SCN9A: variants seen among roughly 807,000 people sequenced by gnomAD.
SCN9A encodes the protein sodium channel protein type 9 subunit alpha.
In SCN9A, 131 loss-of-function variants were observed where a neutral mutation model predicts 187.0. That is an observed-to-expected ratio of 0.70 (90% CI 0.61 to 0.81). The LOEUF (loss-of-function observed/expected upper bound fraction) is 0.81. Ranked by LOEUF, SCN9A falls within the 30% of genes least tolerant of loss-of-function variation. The pLI is 0.00. For missense variants in SCN9A, 2,252 were observed against 2,396.6 expected, an observed-to-expected ratio of 0.94 and a Z score of 1.26; for synonymous variants, 809 against 808.6, an observed-to-expected ratio of 1.00 and a Z score of -0.01.
chr2:166,346,569 G>GA (rs1371355841), intron 1 of SCN9A, among the ~76,000 whole-genome samples: 3 of 152,080 alleles, frequency 2.0e-5, no homozygotes, highest in African/African-American at 7.2e-5. Context: ...CTCAAGCTGG[G>GA]AAAAAATATG....
At chr2:166,370,115 G>A (rs934896537) in intron 1 of SCN9A, among the ~76,000 whole-genome samples, 1 of 150,416 alleles carries the variant, frequency 6.6e-6, no homozygotes, top group Non-Finnish European at 1.5e-5. Context: ...TAATTACATT[G>A]GATTTAAAAA....
intron 2 of SCN9A, among the ~76,000 whole-genome samples, chr2:166,311,154 C>CA (rs1311233856): frequency 9.3e-6 from 1 of 107,272 alleles, no homozygotes; most frequent in Admixed American, 8.8e-5. Context: ...GCTAGATGAC[C>CA]AGTTAGTGGG....
At chr2:166,296,962 T>C (rs890879569) in intron 7 of SCN9A, among the ~76,000 whole-genome samples, 68 of 145,238 alleles carry the variant, frequency 4.7e-4, no homozygotes, top group African/African-American at 1.7e-3. Flanking sequence ...CTTTGGGAGG[T>C]CGAGGCGGGC....
At chr2:166,261,509 AG>A (rs1696503288) in intron 17 of SCN9A, among the ~76,000 whole-genome samples, 1 of 151,950 alleles carries the variant, frequency 6.6e-6, no homozygotes. Flanking sequence ...GCATTAATAT[AG>A]AAGAAAAAAC....
chr2:166,356,489 A>AT (rs952876390), intron 1 of SCN9A, among the ~76,000 whole-genome samples: 60 of 152,036 alleles, frequency 3.9e-4, no homozygotes, highest in Non-Finnish European at 7.5e-4. Context: ...TATGACTCCC[A>AT]TTTTTTCCCC....
intron 1 of SCN9A, among the ~76,000 whole-genome samples, chr2:166,313,077 A>G (rs1411348555): frequency 1.0e-5 from 1 of 98,454 alleles, no homozygotes; most frequent in Non-Finnish European, 2.9e-5. Flanking sequence ...TTTTCTGAAT[A>G]GTAAATAATA....
intron 22 of SCN9A, among the ~76,000 whole-genome samples, chr2:166,227,971 T>G (rs1003068526): frequency 1.3e-5 from 2 of 152,158 alleles, no homozygotes; most frequent in African/African-American, 4.8e-5. Context: ...GCACATAACC[T>G]TTTATTTTTT....
rs777234975 is a variant in SCN9A, at chr2:166,281,663, G to A, written c.2104+16C>T. The A allele has an allele frequency of 3.1e-6, 5 of 1,608,666 alleles. No individual in the cohort carries two copies. The Admixed American group carries it at 8.4e-5, about 27-fold the overall frequency. ...TTATTTAAGAATCTGTACAGTAAAA[G>A]AAGATTATTACATACCTTCCACAGT... On this transcript the variant is annotated intron_variant, in intron 13 of 26. Transcript: ENST00000642356.
At chr2:166,291,402 C>T (rs1397929711) in intron 9 of SCN9A, among the ~76,000 whole-genome samples, 4 of 152,070 alleles carry the variant, frequency 2.6e-5, no homozygotes, top group African/African-American at 9.7e-5. Flanking sequence ...GAACTACAAG[C>T]CACTACTCAA....
chr2:166,307,223 G>A (rs1302605540), intron 2 of SCN9A, 149 bp from the exon 3 acceptor site: 24 of 553,582 alleles, frequency 4.3e-5, no homozygotes, highest in Admixed American at 6.4e-5. Context: ...TGTCATCAAC[G>A]CATCTATCAA....
intron 20 of SCN9A, among the ~76,000 whole-genome samples, chr2:166,236,360 T>C (rs192237650): frequency 6.6e-6 from 1 of 152,278 alleles, no homozygotes; most frequent in Admixed American, 6.5e-5. Flanking sequence ...TCACATTACA[T>C]ATTATAGAAA....
At chr2:166,226,529 T>C in intron 24 of SCN9A, 38 bp downstream of exon 24, 1 of 1,366,978 alleles carries the variant, frequency 7.3e-7, no homozygotes, top group East Asian at 2.4e-5. Flanking sequence ...TAATTGTTCA[T>C]CCCTTTCATT....
intron 16 of SCN9A, among the ~76,000 whole-genome samples, chr2:166,274,659 A>G (rs1449733069): frequency 6.6e-6 from 1 of 152,140 alleles, no homozygotes; most frequent in African/African-American, 2.4e-5. Context: ...TTTCTTCTGT[A>G]TACTTTCTTT....
chr2:166,217,186 C>T (rs577115307), intron 24 of SCN9A, among the ~76,000 whole-genome samples: 1 of 152,010 alleles, frequency 6.6e-6, no homozygotes, highest in East Asian at 1.9e-4. Flanking sequence ...TGGGCCCTTT[C>T]TCATACCATA....
chr2:166,242,685 T>C, intron 18 of SCN9A, 29 bp from the exon 19 acceptor site: 1 of 1,511,914 alleles, frequency 6.6e-7, no homozygotes, highest in Non-Finnish European at 8.9e-7. Context: ...ATGTTAAATC[T>C]TGATATTCAG....
chr2:166,275,229 G>A (rs1227098061), intron 16 of SCN9A, among the ~76,000 whole-genome samples: 1 of 152,086 alleles, frequency 6.6e-6, no homozygotes, highest in Admixed American at 6.6e-5. Context: ...TGGCTTTGAT[G>A]TGGCATGTTT....
intron 24 of SCN9A, chr2:166,205,196 A>C (rs560241892): frequency 4.6e-5 from 7 of 152,356 alleles, no homozygotes; most frequent in Non-Finnish European, 2.9e-5. Flanking sequence ...AAGAGCCTGC[A>C]TAGCCAAGAT....
At chr2:166,288,841 TG>T (rs1697908913) in intron 9 of SCN9A, among the ~76,000 whole-genome samples, 198 bp from the exon 10 acceptor site, 1 of 152,182 alleles carries the variant, frequency 6.6e-6, no homozygotes, top group African/African-American at 2.4e-5. Context: ...GTAATATGCT[TG>T]TACTAAAGTC....
chr2:166,250,303 C>T (rs565647059), intron 18 of SCN9A, among the ~76,000 whole-genome samples: 1 of 152,198 alleles, frequency 6.6e-6, no homozygotes, highest in South Asian at 2.1e-4. Flanking sequence ...TCTGTGCTAT[C>T]ATAACTTCTG....
Sources: allele counts gnomAD v4.1 joint callset (sites outside exome capture counted in the v4.1 genomes callset), GRCh38; gene constraint gnomAD v4.1.1; transcripts MANE v1.5; gene names NCBI Gene and HGNC (gene_info 2026-07-23, HGNC 2026-07-21).